The following FSTL4 variants were observed in gnomAD, a reference collection of about 807,000 sequenced individuals.
FSTL4 encodes follistatin-related protein 4.
A neutral mutation model predicts 78.2 loss-of-function variants in FSTL4; 28 were observed. The ratio of observed to expected loss-of-function variants is 0.36; its 90% CI spans 0.27 to 0.49. FSTL4 has a LOEUF of 0.49. FSTL4 is among the 20% of genes least tolerant of loss of function. FSTL4 has a pLI of 0.98. For synonymous variants in FSTL4, 422 were observed against 440.5 expected (o/e 0.96, Z 0.53); for missense variants, 922 against 1,084.9 (o/e 0.85, Z 2.11).
At position 133,219,532 on chromosome 5, in the gene FSTL4, A is replaced by C. The variant is rs147299872; in HGVS notation, c.1458+1216T>G. ...AAAAAGTAGACATCTAAGCCAGCAG[A>C]GAGGCCTGACGTGGGATGCCCCAAT... On this transcript the variant is annotated intron_variant, in intron 12 of 15. Coordinates refer to ENST00000265342, the MANE Select transcript of FSTL4 (RefSeq NM_015082.2). 1.2e-3 allele frequency among the ~76,000 whole-genome samples: 181 copies of C among 152,352 alleles called. 1 individual carries two copies. The Middle Eastern group carries it at 0.014, about 11-fold the overall frequency.
chr5:133,291,235 G>T (rs1474322675), intron 6 of FSTL4, among the ~76,000 whole-genome samples: 7 of 152,106 alleles, frequency 4.6e-5, no homozygotes, highest in Admixed American at 3.9e-4. Context: ...ATGACCCTTG[G>T]ACCTCTTGGT....
intron 14 of FSTL4, among the ~76,000 whole-genome samples, chr5:133,206,931 TAATA>T (rs1750532952): frequency 4.1e-5 from 1 of 24,156 alleles, no homozygotes; most frequent in Non-Finnish European, 6.5e-5. Flanking sequence ...ATGAAATAAT[TAATA>T]GTCTCTTTTT....
chr5:133,214,019 G>A (rs781548668), intron 13 of FSTL4, among the ~76,000 whole-genome samples: 4 of 152,156 alleles, frequency 2.6e-5, no homozygotes, highest in Non-Finnish European at 5.9e-5. Context: ...GGGATATTTT[G>A]TAAGAATAAA....
intron 4 of FSTL4, among the ~76,000 whole-genome samples, chr5:133,332,380 G>A (rs565782810): frequency 1.3e-5 from 2 of 152,324 alleles, no homozygotes; most frequent in South Asian, 4.1e-4. Context: ...GTCTGTCATG[G>A]TAATGGATTC....
At chr5:133,506,385 C>T (rs1350039185) in intron 3 of FSTL4, among the ~76,000 whole-genome samples, 2 of 152,128 alleles carry the variant, frequency 1.3e-5, no homozygotes, top group Admixed American at 6.5e-5. Context: ...CAACCATTCA[C>T]ACAGATGAGT....
At chr5:133,643,417 C>T in the FSTL4 span, among the ~76,000 whole-genome samples, 8,214 of 152,226 alleles carry the variant, frequency 0.054, 744 homozygotes, top group African/African-American at 0.19. Context: ...TTCCTGAGGC[C>T]TGAGGCTATT....
rs552888613 is a variant in FSTL4, at chr5:133,297,951, C to T, written c.727+14703G>A. Among the ~76,000 whole-genome samples the T allele has an allele frequency of 3.3e-5, 5 of 152,294 alleles. No individual in the cohort carries two copies. In the East Asian group the frequency reaches 9.6e-4, roughly 29 times the overall value. ...TCTATCCCTAGCCACTGGTACCTGCCAAGTTTGAGGCACCCAAGGGGTCTC... is the reference window on the plus strand; with the variant it reads ...TCTATCCCTAGCCACTGGTACCTGCTAAGTTTGAGGCACCCAAGGGGTCTC... On this transcript the variant is annotated intron_variant, in intron 6 of 15. Transcript: ENST00000265342.
intron 3 of FSTL4, among the ~76,000 whole-genome samples, chr5:133,472,551 A>T (rs1043522669): frequency 1.3e-5 from 2 of 152,224 alleles, no homozygotes; most frequent in East Asian, 3.9e-4. Context: ...ATGGAGGGTA[A>T]AAAAGGAGAA....
At position 133,358,744 on chromosome 5, in the gene FSTL4, C is replaced by T. The variant is rs535754502; in HGVS notation, c.409+41994G>A. Among the ~76,000 whole-genome samples the T allele has an allele frequency of 3.8e-3, 584 of 152,078 alleles. 5 individuals carry two copies. Among genetic ancestry groups the T allele is most frequent in the African/African-American group, 0.013 (554 of 41,476 alleles). Reference sequence around the variant, plus strand: ...CCTCCTGAGTAGCTGGGATTACAGGCGCCCGCCACCACACCCAGCTAATTT... The same window carrying T: ...CCTCCTGAGTAGCTGGGATTACAGGTGCCCGCCACCACACCCAGCTAATTT... On this transcript the variant is annotated intron_variant, in intron 4 of 15. Transcript: ENST00000265342.
upstream of FSTL4, among the ~76,000 whole-genome samples, chr5:133,617,539 T>TC (rs1422479963): frequency 1.3e-5 from 2 of 152,148 alleles, no homozygotes; most frequent in Non-Finnish European, 1.5e-5. Flanking sequence ...CTGGATGGTC[T>TC]CTACGGAGAT....
At chr5:133,421,994 G>A (rs1370665774) in intron 3 of FSTL4, among the ~76,000 whole-genome samples, 1 of 152,230 alleles carries the variant, frequency 6.6e-6, no homozygotes, top group East Asian at 1.9e-4. Flanking sequence ...GGTGGTCAGG[G>A]AGGGCTTCTT....
chr5:133,828,891 C>G, the FSTL4 span, among the ~76,000 whole-genome samples: 1 of 152,212 alleles, frequency 6.6e-6, no homozygotes, highest in Non-Finnish European at 1.5e-5. Context: ...GCTTTTGATG[C>G]TGTAACTCAA....
At chr5:133,745,639 T>G in the FSTL4 span, among the ~76,000 whole-genome samples, 1 of 152,230 alleles carries the variant, frequency 6.6e-6, no homozygotes, top group Non-Finnish European at 1.5e-5. Flanking sequence ...CTTTGACCTC[T>G]TGGCCTCATC....
chr5:133,793,289 C>T, the FSTL4 span, among the ~76,000 whole-genome samples: 1 of 152,248 alleles, frequency 6.6e-6, no homozygotes, highest in Non-Finnish European at 1.5e-5. Flanking sequence ...CATACAACTG[C>T]TCTCAGTCTC....
chr5:133,560,891 C>T (rs1425494320), intron 3 of FSTL4, among the ~76,000 whole-genome samples: 1 of 150,822 alleles, frequency 6.6e-6, no homozygotes, highest in Non-Finnish European at 1.5e-5. Context: ...TAGAGACCAT[C>T]CTGGCTAACA....
chr5:133,828,345 A>G, the FSTL4 span, among the ~76,000 whole-genome samples: 1 of 152,228 alleles, frequency 6.6e-6, no homozygotes, highest in Non-Finnish European at 1.5e-5. Flanking sequence ...TTTGCGCACT[A>G]AAGTGTTCAC....
the FSTL4 span, among the ~76,000 whole-genome samples, chr5:133,626,875 A>G: frequency 2.0e-5 from 3 of 152,064 alleles, no homozygotes; most frequent in Non-Finnish European, 2.9e-5. Flanking sequence ...TGGGTGGAGT[A>G]TTCTGCAACT....
intron 4 of FSTL4, among the ~76,000 whole-genome samples, chr5:133,349,484 G>T (rs1754776233): frequency 6.6e-6 from 1 of 152,192 alleles, no homozygotes. Context: ...ATGTCATGCT[G>T]CCATGTGACT....
chr5:133,823,548 A>G, the FSTL4 span, among the ~76,000 whole-genome samples: 2 of 152,196 alleles, frequency 1.3e-5, no homozygotes, highest in East Asian at 3.9e-4. Flanking sequence ...AGACTCAAAC[A>G]CCCAGCAGGT....
Sources: gnomAD v4.1 joint callset for allele counts (sites outside exome capture counted in the v4.1 genomes callset) on GRCh38, gnomAD v4.1.1 for gene constraint, MANE v1.5 for transcripts, NCBI Gene and HGNC (gene_info 2026-07-23, HGNC 2026-07-21) for gene names.